Variants in CEP89 observed in about 807,000 individuals in gnomAD.
The protein encoded by CEP89 is centrosomal protein 89, also known as centrosomal protein of 89 kDa.
A neutral mutation model predicts 97.6 loss-of-function variants in CEP89; 95 were observed. The observed-to-expected ratio is 0.97, with a 90% CI of 0.82 to 1.15. The LOEUF (loss-of-function observed/expected upper bound fraction) is 1.15. Ranked by LOEUF, CEP89 falls within the 50% of genes most tolerant of loss-of-function variation. The pLI, the probability that CEP89 is intolerant of heterozygous loss-of-function variation, is 0.00. For synonymous variants in CEP89, 354 were observed against 349.1 expected (o/e 1.01, Z -0.16); for missense variants, 869 against 947.7 (o/e 0.92, Z 1.09).
At chr19:32,931,938 T>C (rs1970483869) in intron 8 of CEP89, among the ~76,000 whole-genome samples, 1 of 152,078 alleles carries the variant, frequency 6.6e-6, no homozygotes, top group East Asian at 1.9e-4. Flanking sequence ...TCCCAGCACT[T>C]TGGGAGGCCG....
chr19:32,890,386 C>A (rs911518675), intron 16 of CEP89, among the ~76,000 whole-genome samples: 15 of 151,714 alleles, frequency 9.9e-5, no homozygotes, highest in Non-Finnish European at 1.5e-5. Flanking sequence ...GGTGACACAG[C>A]GAGACTCCAT....
rs75533701 is a variant in CEP89, at chr19:32,877,823, A to T, written c.*1339T>A. On this transcript the variant is annotated 3_prime_UTR_variant, in exon 19 of 19. Transcript: ENST00000305768. ...CTCGCTCTTGTTGCCCAGGCTGCCC[A>T]GGCTGGGGTATAATGGCGTGATCTT... The T allele has an allele frequency of 6.6e-6, 1 of 151,780 alleles. No homozygotes were observed. Among genetic ancestry groups the T allele is most frequent in the African/African-American group, 2.4e-5 (1 of 41,272 alleles). 9.4% of individuals were successfully genotyped at this position (151,780 alleles called of 1,614,324 possible). A position where few individuals can be genotyped will look rare whatever the true frequency, so the allele number is the denominator to read the frequency against.
At chr19:32,886,926 G>A (rs1388908827) in intron 17 of CEP89, among the ~76,000 whole-genome samples, 1 of 146,422 alleles carries the variant, frequency 6.8e-6, no homozygotes, top group East Asian at 2.0e-4. Context: ...TGTAATCCCA[G>A]CACTTTGGGA....
intron 14 of CEP89, among the ~76,000 whole-genome samples, chr19:32,908,168 A>G (rs915381820): frequency 2.0e-5 from 3 of 152,224 alleles, no homozygotes; most frequent in African/African-American, 7.2e-5. Flanking sequence ...GTGACACACG[A>G]TTGTGTTTTG....
At chr19:32,924,004 CT>C (rs746080149) in intron 11 of CEP89, among the ~76,000 whole-genome samples, 8,696 of 129,690 alleles carry the variant, frequency 0.067, 227 homozygotes, top group South Asian at 0.14. Context: ...GGAGGAAGCT[CT>C]TTTTTTTTTT....
intron 9 of CEP89, among the ~76,000 whole-genome samples, chr19:32,930,836 T>C (rs1466573639): frequency 6.6e-6 from 1 of 152,158 alleles, no homozygotes; most frequent in African/African-American, 2.4e-5. Flanking sequence ...TTCAGGAACG[T>C]GACTGAGAAG....
intron 13 of CEP89, 105 bp from the exon 14 acceptor site, chr19:32,915,622 C>A (rs185684521): frequency 2.8e-6 from 3 of 1,071,014 alleles, no homozygotes; most frequent in East Asian, 2.6e-5. Flanking sequence ...TAAAAATGAC[C>A]TTTTAAAGAT....
chr19:32,953,523 A>G, intron 4 of CEP89, 92 bp downstream of exon 4: 1 of 1,011,552 alleles, frequency 9.9e-7, no homozygotes, highest in Non-Finnish European at 1.4e-6. Flanking sequence ...CAAATGCAGA[A>G]TAGAGAGAAG....
intron 14 of CEP89, among the ~76,000 whole-genome samples, chr19:32,908,464 C>G (rs375816771): frequency 6.6e-6 from 1 of 152,092 alleles, no homozygotes. Flanking sequence ...TGGGCTGTCC[C>G]GCGGAAGGGG....
At chr19:32,895,750 TAA>T (rs113777086) in intron 16 of CEP89, among the ~76,000 whole-genome samples, 32,092 of 147,484 alleles carry the variant, frequency 0.22, 3,568 homozygotes, top group Admixed American at 0.33. Flanking sequence ...TTAGATCTGA[TAA>T]AAAAAAAAAA....
intron 16 of CEP89, among the ~76,000 whole-genome samples, chr19:32,888,445 T>C (rs527500179): frequency 3.3e-5 from 5 of 152,170 alleles, no homozygotes; most frequent in Non-Finnish European, 7.3e-5. Context: ...GGTGACAAGT[T>C]TGATTTTCCA....
intron 14 of CEP89, among the ~76,000 whole-genome samples, chr19:32,910,706 T>G (rs1969983421): frequency 6.6e-6 from 1 of 152,144 alleles, no homozygotes; most frequent in Non-Finnish European, 1.5e-5. Flanking sequence ...TTTAAAAAAA[T>G]GAAGAACAAA....
At chr19:32,930,846 G>C (rs1186011858) in intron 9 of CEP89, among the ~76,000 whole-genome samples, 1 of 152,070 alleles carries the variant, frequency 6.6e-6, no homozygotes, top group Admixed American at 6.6e-5. Flanking sequence ...TGACTGAGAA[G>C]GGAGCAGCCG....
chr19:32,917,755 G>C, intron 13 of CEP89: 1 of 978,664 alleles, frequency 1.0e-6, no homozygotes, highest in South Asian at 4.7e-5. Context: ...GGACACTCTC[G>C]GAAGGTGTTT....
chr19:32,890,696 C>A (rs189704972), intron 16 of CEP89, among the ~76,000 whole-genome samples: 17 of 152,156 alleles, frequency 1.1e-4, no homozygotes, highest in Non-Finnish European at 2.4e-4. Flanking sequence ...CACATTCTCA[C>A]CACACACTCC....
At chr19:32,920,671 A>T (rs1970228986) in intron 12 of CEP89, among the ~76,000 whole-genome samples, 3 of 151,496 alleles carry the variant, frequency 2.0e-5, no homozygotes, top group African/African-American at 7.2e-5. Flanking sequence ...TTTAGTAGAG[A>T]TGCGGTTTCA....
chr19:32,955,576 C>T lies in CEP89; in HGVS notation c.306-1775G>A, dbSNP rs988327430. ...TCACCCAGGCTGGAGTGTGGTGGCG[C>T]GATCTCAGTGCACTGCCACCTCCGC... On this transcript the variant is annotated intron_variant, in intron 3 of 18. Transcript: ENST00000305768. Among the ~76,000 whole-genome samples, 18 of 152,054 alleles carry T rather than the reference C, an allele frequency of 1.2e-4. 1 individual carries two copies. Among genetic ancestry groups the T allele is most frequent in the African/African-American group, 4.3e-4 (18 of 41,402 alleles).
intron 17 of CEP89, among the ~76,000 whole-genome samples, chr19:32,882,668 T>C (rs1189418394): frequency 3.9e-5 from 6 of 152,158 alleles, no homozygotes; most frequent in Non-Finnish European, 8.8e-5. Context: ...CATCAACTGG[T>C]AACCTAAGAA....
chr19:32,927,163 TCTATCC>T (rs1183671710), intron 9 of CEP89, among the ~76,000 whole-genome samples, 179 bp from the exon 10 acceptor site: 8 of 150,218 alleles, frequency 5.3e-5, no homozygotes, highest in African/African-American at 1.5e-4. Flanking sequence ...CATCCATCCA[TCTATCC>T]ATCCATCCAT....
Sources: allele counts gnomAD v4.1 joint callset (sites outside exome capture counted in the v4.1 genomes callset), GRCh38; gene constraint gnomAD v4.1.1; transcripts MANE v1.5; gene names NCBI Gene and HGNC (gene_info 2026-07-23, HGNC 2026-07-21).